SPPL2B: variants seen among roughly 807,000 people sequenced by gnomAD.
SPPL2B encodes signal peptide peptidase like 2B.
In SPPL2B, 39 loss-of-function variants were observed where a neutral mutation model predicts 59.7. That is an observed-to-expected ratio of 0.65 (90% CI 0.51 to 0.85). SPPL2B has a LOEUF of 0.85. Among genes scored for constraint, SPPL2B ranks in the 40% least tolerant of loss-of-function variants. The pLI is 0.00. For synonymous variants in SPPL2B, 419 were observed against 370.8 expected, an observed-to-expected ratio of 1.13 and a Z score of -1.49; for missense variants, 865 against 849.0, an observed-to-expected ratio of 1.02 and a Z score of -0.23.
chr19:2,346,994 T>C (rs1009962722), intron 13 of SPPL2B, among the ~76,000 whole-genome samples: 3 of 152,224 alleles, frequency 2.0e-5, no homozygotes, highest in South Asian at 2.1e-4. Flanking sequence ...AAATAATTAA[T>C]TTTCTCAGAG....
chr19:2,344,063 C>T (rs1300525934), intron 10 of SPPL2B, 24 bp downstream of exon 10: 14 of 1,496,666 alleles, frequency 9.4e-6, no homozygotes, highest in Admixed American at 6.1e-5. Flanking sequence ...TGTCCCTGCT[C>T]CACCCCATCA....
Position 2,339,061 on chromosome 19 carries a change from T to C in SPPL2B, c.460-8T>C, listed in dbSNP as rs1356185873. On this transcript the variant is annotated splice_region_variant and splice_polypyrimidine_tract_variant and intron_variant, in intron 4 of 14. Transcript: ENST00000613503. Reference sequence around the variant, plus strand: ...TGACGCCTGCCTCCGGTGTGTTCCTTGAGGCAGCGTTTCGGCCGCACGGTG... The same window carrying C: ...TGACGCCTGCCTCCGGTGTGTTCCTCGAGGCAGCGTTTCGGCCGCACGGTG... 4 of 1,552,500 alleles carry C rather than the reference T, an allele frequency of 2.6e-6. No individual in the cohort carries two copies. Among genetic ancestry groups the C allele is most frequent in the Non-Finnish European group, 1.7e-6 (2 of 1,147,796 alleles).
At chr19:2,351,311 T>C (rs1480460483) in intron 13 of SPPL2B, 123 bp from the exon 14 acceptor site, 2 of 761,698 alleles carry the variant, frequency 2.6e-6, no homozygotes, top group Non-Finnish European at 4.3e-6. Context: ...ACCCCCACTG[T>C]ACCTCTCCCG....
intron 2 of SPPL2B, among the ~76,000 whole-genome samples, chr19:2,335,823 G>T (rs115892676): frequency 0.096 from 14,679 of 152,312 alleles, 800 homozygotes; most frequent in Middle Eastern, 0.16. Context: ...CCGGCGAAGA[G>T]GCACTAGCAT....
chr19:2,335,340 C>G (rs752915656), intron 2 of SPPL2B, among the ~76,000 whole-genome samples: 1 of 108,622 alleles, frequency 9.2e-6, no homozygotes, highest in African/African-American at 3.6e-5. Context: ...GCCTCATTTC[C>G]CACTGCATCC....
At position 2,334,590 on chromosome 19, in the gene SPPL2B, C is replaced by G. The variant is rs373466357; in HGVS notation, c.67-12C>G. 1 of 1,605,972 alleles carries G rather than the reference C, an allele frequency of 6.2e-7. No homozygotes were observed. Among genetic ancestry groups the G allele is most frequent in the South Asian group, 1.1e-5 (1 of 89,456 alleles). On this transcript the variant is annotated splice_polypyrimidine_tract_variant and intron_variant, in intron 1 of 14. Transcript: ENST00000613503. Reference sequence around the variant, plus strand: ...CCGTGCTGTGGCTCTGACTGCTGGCCTTGTCCTGCAGGTGGCCTGTGAGTA... The same window carrying G: ...CCGTGCTGTGGCTCTGACTGCTGGCGTTGTCCTGCAGGTGGCCTGTGAGTA...
chr19:2,331,046 C>T (rs892267208), intron 1 of SPPL2B, among the ~76,000 whole-genome samples: 4 of 152,188 alleles, frequency 2.6e-5, no homozygotes, highest in African/African-American at 4.8e-5. Flanking sequence ...GTCCTCAACT[C>T]GCTTGCTTGC....
At chr19:2,352,893 GTCC>G in intron 14 of SPPL2B, 50 bp from the exon 15 acceptor site, 1 of 1,601,424 alleles carries the variant, frequency 6.2e-7, no homozygotes, top group Admixed American at 1.7e-5. Context: ...CCCTGCCAGG[GTCC>G]TCCTCTGGGT....
At chr19:2,337,369 G>A (rs927667925) in intron 2 of SPPL2B, 74 bp from the exon 3 acceptor site, 2 of 1,406,118 alleles carry the variant, frequency 1.4e-6, no homozygotes, top group African/African-American at 1.4e-5. Context: ...CAGGCTTCAG[G>A]TGGGAGAACG....
At chr19:2,343,012 T>A (rs116770326) in intron 8 of SPPL2B, 199 bp from the exon 9 acceptor site, 56,538 of 588,558 alleles carry the variant, frequency 0.096, 3,321 homozygotes, top group Non-Finnish European at 0.12. Flanking sequence ...GTGGGGCCTG[T>A]GCCGCCAGCC....
intron 13 of SPPL2B, among the ~76,000 whole-genome samples, chr19:2,350,546 G>A (rs1969870769): frequency 6.6e-6 from 1 of 152,188 alleles, no homozygotes; most frequent in African/African-American, 2.4e-5. Context: ...GTGTACTGCA[G>A]TTGGCCCTCA....
Position 2,353,348 on chromosome 19 carries a change from T to A in SPPL2B, c.*139T>A. On this transcript the variant is annotated 3_prime_UTR_variant, in exon 15 of 15. Transcript: ENST00000613503. Reference sequence around the variant, plus strand: ...GTCCCCACCCGCCCCAACATGGTGCTCATCCTTGCCGAGACCCCTGCGGTC... The same window carrying A: ...GTCCCCACCCGCCCCAACATGGTGCACATCCTTGCCGAGACCCCTGCGGTC... 8.9e-7 allele frequency: 1 copy of A among 1,120,756 alleles called. No homozygotes were observed. Among genetic ancestry groups the A allele is most frequent in the Non-Finnish European group, 1.2e-6 (1 of 813,610 alleles). The allele number at this position is 1,120,756 out of a possible 1,614,324, so 69.4% of individuals were successfully genotyped here. A position where few individuals can be genotyped will look rare whatever the true frequency, so the allele number is the denominator to read the frequency against.
chr19:2,343,224 C>T lies in SPPL2B; in HGVS notation c.970C>T (p.Leu324Phe). 1.3e-6 allele frequency: 2 copies of T among 1,555,000 alleles called. No homozygotes were observed. The highest frequency in any genetic ancestry group is 1.7e-6 in the Non-Finnish European group (2 of 1,148,948). ...TTTGTCTTGCAGGTGGGCCTGGGTC[C>T]TCCAGGATGCCCTGGGCATCGCCTT... ...FRNEDQWAWV[L>F]QDALGIAFCL... The change falls in exon 9 of 15, where the codon CTC (leucine) becomes TTC (phenylalanine). Residue 324 changes from leucine to phenylalanine, a missense_variant. Physicochemically the swap from Leu to Phe is conservative, Grantham distance 22. Transcript: ENST00000613503.
intron 1 of SPPL2B, among the ~76,000 whole-genome samples, chr19:2,333,457 C>T (rs991617030): frequency 6.6e-5 from 10 of 152,156 alleles, no homozygotes; most frequent in Non-Finnish European, 1.3e-4. Context: ...GTGAGCAGTG[C>T]CAGCTTCCTG....
Position 2,353,943 on chromosome 19 carries a change from G to A in SPPL2B, c.*734G>A, listed in dbSNP as rs1184554899. ...GTCGCAACTTCTAGAAGTCCTGCTGGTGCCACCTGGTGGGGTGGACGTCTC... is the reference window on the plus strand; with the variant it reads ...GTCGCAACTTCTAGAAGTCCTGCTGATGCCACCTGGTGGGGTGGACGTCTC... On this transcript the variant is annotated 3_prime_UTR_variant, in exon 15 of 15. Transcript: ENST00000613503. 3 of 152,326 alleles carry A rather than the reference G, an allele frequency of 2.0e-5. No individual in the cohort carries two copies. Among genetic ancestry groups the A allele is most frequent in the Non-Finnish European group, 4.4e-5 (3 of 68,106 alleles). 9.4% of individuals were successfully genotyped at this position (152,326 alleles called of 1,614,324 possible).
At chr19:2,331,665 A>G (rs1179013588) in intron 1 of SPPL2B, among the ~76,000 whole-genome samples, 1 of 152,238 alleles carries the variant, frequency 6.6e-6, no homozygotes, top group South Asian at 2.1e-4. Context: ...AGAGAGAAGC[A>G]GAGAAGCAGT....
In SPPL2B at chr19:2,337,433, G is replaced by A. The variant is rs1968716134; in HGVS notation, c.187-10G>A. Reference sequence around the variant, plus strand: ...TCACGTGAGACAACACTGTGCCCTGGCCTTTCCAGTCTTTCCTGCAGCTGC... The same window carrying A: ...TCACGTGAGACAACACTGTGCCCTGACCTTTCCAGTCTTTCCTGCAGCTGC... On this transcript the variant is annotated splice_polypyrimidine_tract_variant and intron_variant, in intron 2 of 14. Transcript: ENST00000613503. The A allele has an allele frequency of 1.9e-6, 3 of 1,591,118 alleles. No homozygotes were observed. The East Asian group carries it at 6.8e-5, about 36-fold the overall frequency.
Position 2,344,545 on chromosome 19 carries a change from C to T in SPPL2B, c.1177-8C>T, listed in dbSNP as rs1969260606. 2 of 1,610,660 alleles carry T rather than the reference C, an allele frequency of 1.2e-6. No individual in the cohort carries two copies. The highest frequency in any genetic ancestry group is 1.7e-6 in the Non-Finnish European group (2 of 1,177,698). The stretch of plus-strand genomic sequence containing the variant: ...CTGGAGGACATTGTCCTCTTCCCGT[C>T]TTTGCAGCTGCCCATGGTCCTGAAG... On this transcript the variant is annotated splice_region_variant and splice_polypyrimidine_tract_variant and intron_variant, in intron 11 of 14. Coordinates refer to ENST00000613503, the MANE Select transcript of SPPL2B (RefSeq NM_152988.3).
intron 8 of SPPL2B, chr19:2,341,274 C>T (rs1969033804): frequency 1.5e-6 from 1 of 651,198 alleles, no homozygotes; most frequent in East Asian, 3.1e-5. Context: ...GGAGCCACGT[C>T]CTCCAGCCTG....
Sources: allele counts gnomAD v4.1 joint callset (sites outside exome capture counted in the v4.1 genomes callset), GRCh38; gene constraint gnomAD v4.1.1; transcripts MANE v1.5; gene names NCBI Gene and HGNC (gene_info 2026-07-23, HGNC 2026-07-21).